Variants in ARHGAP6 observed in about 807,000 individuals in gnomAD.
ARHGAP6 encodes the protein Rho GTPase activating protein 6.
In ARHGAP6, 16 loss-of-function variants were observed where a neutral mutation model predicts 55.7. The observed-to-expected ratio is 0.29, with a 90% CI of 0.19 to 0.44. The LOEUF is 0.44. ARHGAP6 is among the 20% of genes least tolerant of loss of function. The pLI is 1.00. For synonymous variants in ARHGAP6, 382 were observed against 360.9 expected (o/e 1.06, Z -0.66); for missense variants, 698 against 808.9 (o/e 0.86, Z 1.66).
At position 11,580,910 on chromosome X, in the gene ARHGAP6, G is replaced by A. The variant is rs371117989; in HGVS notation, c.588+83331C>T. Reference sequence around the variant, plus strand: ...AAAAGTGTCTTTCTTACTTCAAGTAGGGTCCATGGACTACGCCATCTGCAA... The same window carrying A: ...AAAAGTGTCTTTCTTACTTCAAGTAAGGTCCATGGACTACGCCATCTGCAA... On this transcript the variant is annotated intron_variant, in intron 1 of 12. Transcript: ENST00000337414. 7.1e-5 allele frequency among the ~76,000 whole-genome samples: 8 copies of A among 111,963 alleles called. No homozygotes were observed. The East Asian group carries it at 2.0e-3, about 27-fold the overall frequency.
intron 1 of ARHGAP6, among the ~76,000 whole-genome samples, chrX:11,585,676 C>T (rs2051725033): frequency 8.9e-6 from 1 of 111,925 alleles, no homozygotes; most frequent in Non-Finnish European, 1.9e-5. Context: ...GATATTAGAC[C>T]TTTGTCAAAT....
At chrX:11,658,849 ATTTG>A (rs1244909272) in intron 1 of ARHGAP6, among the ~76,000 whole-genome samples, 2 of 109,446 alleles carry the variant, frequency 1.8e-5, no homozygotes, top group Non-Finnish European at 3.8e-5. Flanking sequence ...TAAGATAAGT[ATTTG>A]TTTGTGGGGG....
At chrX:11,278,853 T>C (rs2047814064) in intron 1 of ARHGAP6, among the ~76,000 whole-genome samples, 1 of 111,230 alleles carries the variant, frequency 9.0e-6, no homozygotes, top group Admixed American at 9.6e-5. Context: ...TTTTTTATTT[T>C]TTTTTAATTT....
intron 10 of ARHGAP6, among the ~76,000 whole-genome samples, chrX:11,153,299 G>T (rs2045813588): frequency 9.1e-6 from 1 of 110,080 alleles, no homozygotes; most frequent in Admixed American, 9.7e-5. Context: ...GGCTGAGGCG[G>T]ATGGATCACA....
chrX:11,413,006 G>T (rs2049705255), intron 1 of ARHGAP6, among the ~76,000 whole-genome samples: 1 of 112,198 alleles, frequency 8.9e-6, no homozygotes, highest in South Asian at 3.7e-4. Flanking sequence ...CACTTTCCAA[G>T]TCTAGGATGC....
chrX:11,423,198 C>T (rs781439029), intron 1 of ARHGAP6, among the ~76,000 whole-genome samples: 15 of 112,779 alleles, frequency 1.3e-4, no homozygotes, highest in African/African-American at 4.2e-4. Flanking sequence ...CTGTTAGCAC[C>T]GATGGATGAT....
At chrX:11,162,165 G>C (rs1327294314) in intron 9 of ARHGAP6, among the ~76,000 whole-genome samples, 3 of 110,886 alleles carry the variant, frequency 2.7e-5, no homozygotes, top group Non-Finnish European at 5.7e-5. Flanking sequence ...TTCTGGAAAA[G>C]GTTATCTTCC....
intron 1 of ARHGAP6, among the ~76,000 whole-genome samples, chrX:11,591,814 A>G (rs1221449642): frequency 8.9e-6 from 1 of 112,093 alleles, no homozygotes; most frequent in East Asian, 2.7e-4. Flanking sequence ...GAAAGAATAA[A>G]TTAAATGATA....
chrX:11,594,745 C>T (rs1180594328), intron 1 of ARHGAP6, among the ~76,000 whole-genome samples: 1 of 111,935 alleles, frequency 8.9e-6, no homozygotes. Flanking sequence ...CTGTCTTCCA[C>T]GAAACCAATT....
chrX:11,484,128 G>A (rs2050486892), intron 1 of ARHGAP6, among the ~76,000 whole-genome samples: 1 of 111,689 alleles, frequency 9.0e-6, no homozygotes, highest in Non-Finnish European at 1.9e-5. Context: ...GAAGCTTAAT[G>A]TTTTGTTATT....
At chrX:11,641,948 AATACC>A (rs779591938) in intron 1 of ARHGAP6, among the ~76,000 whole-genome samples, 186 of 111,552 alleles carry the variant, frequency 1.7e-3, no homozygotes, top group Admixed American at 3.4e-3. Context: ...TGGAAAAAAA[AATACC>A]ATTTAAAAAG....
chrX:11,503,413 T>A (rs1288029529), intron 1 of ARHGAP6, among the ~76,000 whole-genome samples: 1 of 111,891 alleles, frequency 8.9e-6, no homozygotes, highest in Non-Finnish European at 1.9e-5. Context: ...TATTTATATA[T>A]GTTCTTGCCA....
intron 1 of ARHGAP6, among the ~76,000 whole-genome samples, chrX:11,645,518 T>C (rs1281989541): frequency 8.9e-6 from 1 of 111,785 alleles, no homozygotes; most frequent in East Asian, 2.8e-4. Flanking sequence ...ACATGGAAAA[T>C]GGTTTTATTT....
At chrX:11,540,030 C>T (rs1328290550) in intron 1 of ARHGAP6, among the ~76,000 whole-genome samples, 8 of 110,014 alleles carry the variant, frequency 7.3e-5, no homozygotes, top group South Asian at 8.0e-4. Flanking sequence ...CCGAGGTAGG[C>T]GGATCATGAG....
intron 2 of ARHGAP6, among the ~76,000 whole-genome samples, chrX:11,200,414 G>T (rs968689328): frequency 8.9e-6 from 1 of 112,298 alleles, no homozygotes; most frequent in African/African-American, 3.2e-5. Context: ...ATAGCAGATG[G>T]CAAGGCAGCA....
chrX:11,282,298 C>A (rs949881016), intron 1 of ARHGAP6, among the ~76,000 whole-genome samples: 1 of 111,920 alleles, frequency 8.9e-6, no homozygotes, highest in African/African-American at 3.2e-5. Flanking sequence ...GTGAGAGACT[C>A]AACTGCAATG....
intron 1 of ARHGAP6, among the ~76,000 whole-genome samples, chrX:11,406,920 C>T (rs2049616720): frequency 9.2e-6 from 1 of 108,707 alleles, no homozygotes; most frequent in Non-Finnish European, 1.9e-5. Flanking sequence ...TATTACCTTA[C>T]AGTGGAATAG....
intron 1 of ARHGAP6, among the ~76,000 whole-genome samples, chrX:11,451,870 G>A (rs1377457003): frequency 8.9e-6 from 1 of 112,397 alleles, no homozygotes; most frequent in East Asian, 2.8e-4. Flanking sequence ...GAATTGAAAT[G>A]ACTCTTTATG....
At chrX:11,527,892 G>A (rs1172256220) in intron 1 of ARHGAP6, among the ~76,000 whole-genome samples, 1 of 112,254 alleles carries the variant, frequency 8.9e-6, no homozygotes, top group Admixed American at 9.5e-5. Context: ...AGCATTGCAT[G>A]GGATCTACTT....
Sources: gnomAD v4.1 joint callset for allele counts (sites outside exome capture counted in the v4.1 genomes callset) on GRCh38, gnomAD v4.1.1 for gene constraint, MANE v1.5 for transcripts, NCBI Gene and HGNC (gene_info 2026-07-23, HGNC 2026-07-21) for gene names.